Variants in AUH observed in about 807,000 individuals in gnomAD.
AUH encodes the protein AU RNA binding methylglutaconyl-CoA hydratase.
AUH carries 29 observed loss-of-function variants against 42.3 expected under a neutral mutation model. The ratio of observed to expected loss-of-function variants is 0.69; its 90% CI spans 0.51 to 0.93. AUH has a LOEUF of 0.93. Ranked by LOEUF, AUH falls within the 40% of genes least tolerant of loss-of-function variation. The pLI is 0.00. For synonymous variants in AUH, 174 were observed against 166.4 expected (o/e 1.05, Z -0.35); for missense variants, 452 against 438.1 (o/e 1.03, Z -0.28).
chr9:91,297,650 T>C (rs1279119499), intron 5 of AUH, among the ~76,000 whole-genome samples: 4 of 151,828 alleles, frequency 2.6e-5, no homozygotes, highest in African/African-American at 9.7e-5. Context: ...TGGAGTGTAA[T>C]GGCACGATCA....
At chr9:91,327,455 C>T (rs1000998722) in intron 3 of AUH, among the ~76,000 whole-genome samples, 13 of 152,146 alleles carry the variant, frequency 8.5e-5, no homozygotes, top group Admixed American at 2.0e-4. Flanking sequence ...AGGGATGAAT[C>T]AGCACACACA....
At chr9:91,341,998 G>A (rs990442038) in intron 3 of AUH, among the ~76,000 whole-genome samples, 1 of 152,222 alleles carries the variant, frequency 6.6e-6, no homozygotes, top group Non-Finnish European at 1.5e-5. Flanking sequence ...AAGAAAGGCA[G>A]TGGGAAATTG....
chr9:91,272,040 TGTGA>T (rs1825179888), intron 6 of AUH, among the ~76,000 whole-genome samples: 1 of 152,198 alleles, frequency 6.6e-6, no homozygotes, highest in Admixed American at 6.5e-5. Context: ...TGCACAAGCA[TGTGA>T]GTATCAGGCA....
In AUH at chr9:91,241,065, G is replaced by A. The variant is rs114177861; in HGVS notation, c.656-20073C>T. ...GAAGGAAGACATTCAGAATCTAAAT[G>A]ATAATCTTACAATACAGTTGCTCAA... On this transcript the variant is annotated intron_variant, in intron 6 of 9. Coordinates refer to ENST00000375731, the MANE Select transcript of AUH (RefSeq NM_001698.3). Among the ~76,000 whole-genome samples the A allele has an allele frequency of 3.0e-3, 450 of 152,316 alleles. 5 individuals carry two copies. Among genetic ancestry groups the A allele is most frequent in the African/African-American group, 0.01 (433 of 41,570 alleles).
chr9:91,317,604 G>A (rs1829256324), intron 4 of AUH, among the ~76,000 whole-genome samples: 1 of 152,090 alleles, frequency 6.6e-6, no homozygotes, highest in African/African-American at 2.4e-5. Flanking sequence ...ACATGAGAAG[G>A]ACTCTGTTAT....
At chr9:91,278,160 T>C (rs1218513942) in intron 6 of AUH, among the ~76,000 whole-genome samples, 2 of 152,106 alleles carry the variant, frequency 1.3e-5, no homozygotes, top group Non-Finnish European at 1.5e-5. Flanking sequence ...GATCACACAA[T>C]AGCACTGCCA....
Position 91,296,018 on chromosome 9 carries a change from T to C in AUH, c.655+3A>G. 6.2e-7 allele frequency: 1 copy of C among 1,614,022 alleles called. No individual in the cohort carries two copies. The highest frequency in any genetic ancestry group is 8.5e-7 in the Non-Finnish European group (1 of 1,179,968). ...TTGAGGAATGGGCGTGAACTACTCA[T>C]ACCTCCACCAGGAATAATCGCCAAT... On this transcript the variant is annotated splice_donor_region_variant and intron_variant, in intron 6 of 9. Coordinates refer to ENST00000375731, the MANE Select transcript of AUH (RefSeq NM_001698.3).
intron 6 of AUH, among the ~76,000 whole-genome samples, chr9:91,279,282 CATT>C (rs146190804): frequency 2.6e-3 from 401 of 152,212 alleles, no homozygotes; most frequent in African/African-American, 8.7e-3. Context: ...ATGATATAGG[CATT>C]ATTATTATCT....
intron 4 of AUH, among the ~76,000 whole-genome samples, chr9:91,321,730 C>T (rs2131837571): frequency 6.6e-6 from 1 of 152,046 alleles, no homozygotes; most frequent in Non-Finnish European, 1.5e-5. Flanking sequence ...TTTTTAAATG[C>T]CTGGGGAAAA....
chr9:91,220,781 A>T, intron 7 of AUH, 24 bp downstream of exon 7: 1 of 1,612,106 alleles, frequency 6.2e-7, no homozygotes, highest in Non-Finnish European at 8.5e-7. Context: ...ATGAGAAAAA[A>T]TAAACTCATT....
chr9:91,327,988 C>T (rs1397914486), intron 3 of AUH, among the ~76,000 whole-genome samples: 5 of 152,264 alleles, frequency 3.3e-5, no homozygotes, highest in South Asian at 2.1e-4. Context: ...CAAGTGGGCG[C>T]GAACCAAGCA....
At chr9:91,256,784 T>A (rs532024907) in intron 6 of AUH, among the ~76,000 whole-genome samples, 49 of 152,176 alleles carry the variant, frequency 3.2e-4, no homozygotes, top group African/African-American at 1.2e-3. Context: ...ATACCTACTC[T>A]CTGGTGTGGT....
At chr9:91,341,281 G>C (rs1831080426) in intron 3 of AUH, among the ~76,000 whole-genome samples, 1 of 152,144 alleles carries the variant, frequency 6.6e-6, no homozygotes, top group Admixed American at 6.5e-5. Flanking sequence ...TAGGCTCTCT[G>C]ACCAGCTGCC....
chr9:91,342,120 A>G (rs972990903), intron 3 of AUH, among the ~76,000 whole-genome samples: 1 of 152,220 alleles, frequency 6.6e-6, no homozygotes, highest in Non-Finnish European at 1.5e-5. Flanking sequence ...TGACAATTCT[A>G]GGTCAGAAGT....
chr9:91,222,558 TG>T (rs1827193563), intron 6 of AUH, among the ~76,000 whole-genome samples: 1 of 152,210 alleles, frequency 6.6e-6, no homozygotes, highest in Admixed American at 6.5e-5. Context: ...CTGAAGACAA[TG>T]AATTATTGAC....
chr9:91,291,990 T>C (rs1225665811), intron 6 of AUH, among the ~76,000 whole-genome samples: 2 of 150,040 alleles, frequency 1.3e-5, no homozygotes, highest in South Asian at 2.1e-4. Flanking sequence ...TTAAATGAAG[T>C]CTACTTTTTG....
At chr9:91,334,583 A>G in intron 3 of AUH, among the ~76,000 whole-genome samples, 1 of 116,270 alleles carries the variant, frequency 8.6e-6, no homozygotes, top group Non-Finnish European at 1.8e-5. Context: ...AGACTGTGGG[A>G]CATTTCAGTT....
intron 4 of AUH, among the ~76,000 whole-genome samples, chr9:91,309,850 C>T (rs1165914006): frequency 6.6e-6 from 1 of 152,194 alleles, no homozygotes; most frequent in Admixed American, 6.5e-5. Context: ...TTGTTTTCTT[C>T]CCACCTTCCT....
chr9:91,309,987 C>T (rs1828576129), intron 4 of AUH, among the ~76,000 whole-genome samples: 1 of 152,094 alleles, frequency 6.6e-6, no homozygotes, highest in African/African-American at 2.4e-5. Flanking sequence ...GTGGTCATGG[C>T]TTCACATAGC....
Sources: allele counts gnomAD v4.1 joint callset (sites outside exome capture counted in the v4.1 genomes callset), GRCh38; gene constraint gnomAD v4.1.1; transcripts MANE v1.5; gene names NCBI Gene and HGNC (gene_info 2026-07-23, HGNC 2026-07-21).